FHIT: variants seen among roughly 807,000 people sequenced by gnomAD.
FHIT encodes the protein fragile histidine triad diadenosine triphosphatase, also known as bis(5'-adenosyl)-triphosphatase.
In FHIT, 19 loss-of-function variants were observed where a neutral mutation model predicts 17.9. That is an observed-to-expected ratio of 1.06 (90% CI 0.74 to 1.56). The LOEUF is 1.56. Among genes scored for constraint, FHIT ranks in the 40% most tolerant of loss-of-function variants. The pLI, the probability that FHIT is intolerant of heterozygous loss-of-function variation, is 0.00. For missense variants in FHIT, 248 were observed against 189.2 expected (o/e 1.31, Z -1.82); for synonymous variants, 81 against 69.7 (o/e 1.16, Z -0.81).
chr3:60,076,830 T>C (rs1306639566), intron 5 of FHIT, among the ~76,000 whole-genome samples: 1 of 151,782 alleles, frequency 6.6e-6, no homozygotes, highest in African/African-American at 2.4e-5. Flanking sequence ...CTATGTTTTA[T>C]TCCTAAGGCA....
intron 4 of FHIT, among the ~76,000 whole-genome samples, chr3:60,551,637 A>G (rs372044885): frequency 1.5e-5 from 2 of 136,486 alleles, no homozygotes; most frequent in Non-Finnish European, 3.1e-5. Context: ...GCATGCACCT[A>G]TAGTCCCAGC....
chr3:61,169,264 A>C (rs2037927959), intron 2 of FHIT, among the ~76,000 whole-genome samples: 2 of 152,290 alleles, frequency 1.3e-5, no homozygotes, highest in South Asian at 2.1e-4. Flanking sequence ...TTGACTTCCT[A>C]CTGTGGAGAA....
At chr3:60,130,247 A>G (rs1231402867) in intron 5 of FHIT, among the ~76,000 whole-genome samples, 1 of 152,180 alleles carries the variant, frequency 6.6e-6, no homozygotes, top group Non-Finnish European at 1.5e-5. Context: ...TCTCATCTCT[A>G]AAACTGGAGG....
chr3:60,457,132 A>G (rs954198147), intron 5 of FHIT, among the ~76,000 whole-genome samples: 1 of 152,156 alleles, frequency 6.6e-6, no homozygotes, highest in Non-Finnish European at 1.5e-5. Flanking sequence ...AGTCAATCCT[A>G]AGCCAAAAGA....
At chr3:60,182,982 T>G (rs1413154696) in intron 5 of FHIT, among the ~76,000 whole-genome samples, 1 of 151,740 alleles carries the variant, frequency 6.6e-6, no homozygotes, top group Non-Finnish European at 1.5e-5. Flanking sequence ...ATTCTGTCCA[T>G]GACAACTCCC....
chr3:60,440,004 C>G (rs182901171), intron 5 of FHIT, among the ~76,000 whole-genome samples: 18 of 152,060 alleles, frequency 1.2e-4, no homozygotes, highest in African/African-American at 4.3e-4. Context: ...TACTTCACAT[C>G]GACAGCCCCA....
intron 4 of FHIT, among the ~76,000 whole-genome samples, chr3:60,639,900 C>T (rs2039682915): frequency 6.6e-6 from 1 of 152,104 alleles, no homozygotes; most frequent in African/African-American, 2.4e-5. Context: ...CCTATGTGAA[C>T]CAAGTGAATG....
intron 5 of FHIT, among the ~76,000 whole-genome samples, chr3:60,204,415 A>G (rs913110384): frequency 6.7e-6 from 1 of 149,760 alleles, no homozygotes; most frequent in African/African-American, 2.4e-5. Flanking sequence ...GATTACAAGC[A>G]CGCATCACCA....
intron 7 of FHIT, among the ~76,000 whole-genome samples, chr3:60,004,582 C>CA (rs1226815566): frequency 2.0e-5 from 3 of 152,014 alleles, no homozygotes; most frequent in Non-Finnish European, 4.4e-5. Flanking sequence ...GTAAGGGTGA[C>CA]AAAATATTTA....
intron 4 of FHIT, among the ~76,000 whole-genome samples, chr3:60,766,201 T>A (rs553845548): frequency 6.6e-6 from 1 of 152,196 alleles, no homozygotes; most frequent in Non-Finnish European, 1.5e-5. Flanking sequence ...CTTGGACACA[T>A]GAAAAATTAT....
chr3:60,329,638 G>A (rs925660641), intron 5 of FHIT, among the ~76,000 whole-genome samples: 6 of 152,156 alleles, frequency 3.9e-5, no homozygotes, highest in East Asian at 1.9e-4. Flanking sequence ...GCCAAGCACC[G>A]TAAGACTCTA....
intron 2 of FHIT, among the ~76,000 whole-genome samples, chr3:61,127,356 G>T (rs2036637335): frequency 6.6e-6 from 1 of 152,184 alleles, no homozygotes; most frequent in Admixed American, 6.5e-5. Context: ...AAACTCACAG[G>T]AGGAATTTTA....
At chr3:59,816,007 T>A (rs1700586619) in intron 8 of FHIT, among the ~76,000 whole-genome samples, 1 of 152,212 alleles carries the variant, frequency 6.6e-6, no homozygotes, top group South Asian at 2.1e-4. Flanking sequence ...TTTCTGGTTG[T>A]TGTCATGAAG....
chr3:60,247,629 T>A (rs1705469961), intron 5 of FHIT, among the ~76,000 whole-genome samples: 1 of 152,144 alleles, frequency 6.6e-6, no homozygotes, highest in African/African-American at 2.4e-5. Context: ...GGCTCTCAAC[T>A]TATGAGTCTC....
intron 4 of FHIT, among the ~76,000 whole-genome samples, chr3:60,812,969 G>T (rs1701620865): frequency 6.6e-6 from 1 of 152,054 alleles, no homozygotes; most frequent in African/African-American, 2.4e-5. Flanking sequence ...GTTATGTTAT[G>T]ATTTAAATGT....
At chr3:60,468,154 A>G (rs915750487) in intron 5 of FHIT, among the ~76,000 whole-genome samples, 1 of 151,906 alleles carries the variant, frequency 6.6e-6, no homozygotes, top group South Asian at 2.1e-4. Flanking sequence ...CTTCTTCCAT[A>G]TCTCTTTATT....
At chr3:59,777,990 AATACTTTCTTTATCAT>A (rs1404246718) in intron 8 of FHIT, among the ~76,000 whole-genome samples, 1 of 152,154 alleles carries the variant, frequency 6.6e-6, no homozygotes, top group Non-Finnish European at 1.5e-5. Context: ...CATATGCATA[AATACTTTCTTTATCAT>A]ACCAAGTTTC....
At chr3:60,947,945 T>A (rs1708708188) in intron 3 of FHIT, among the ~76,000 whole-genome samples, 1 of 152,170 alleles carries the variant, frequency 6.6e-6, no homozygotes, top group African/African-American at 2.4e-5. Flanking sequence ...TTTATTTCAA[T>A]CAAAATATCA....
At chr3:60,410,188 C>T (rs1702012460) in intron 5 of FHIT, among the ~76,000 whole-genome samples, 1 of 152,178 alleles carries the variant, frequency 6.6e-6, no homozygotes, top group Admixed American at 6.5e-5. Context: ...AAGGAGGTAT[C>T]AGGCATTTCT....
Sources: allele counts gnomAD v4.1 joint callset (sites outside exome capture counted in the v4.1 genomes callset), GRCh38; gene constraint gnomAD v4.1.1; transcripts MANE v1.5; gene names NCBI Gene and HGNC (gene_info 2026-07-23, HGNC 2026-07-21).